Variants in TIMM23 observed in about 807,000 individuals in gnomAD.
TIMM23 encodes the protein mitochondrial import inner membrane translocase subunit Tim23.
In TIMM23, 19 loss-of-function variants were observed where a neutral mutation model predicts 30.7. That is an observed-to-expected ratio of 0.62 (90% CI 0.43 to 0.91). TIMM23 has a LOEUF of 0.91. TIMM23 is among the 40% of genes least tolerant of loss of function. The pLI is 0.00. For missense variants in TIMM23, 202 were observed against 269.2 expected (o/e 0.75, Z 1.75); for synonymous variants, 78 against 98.5 (o/e 0.79, Z 1.23).
intron 6 of TIMM23, chr10:46,002,274 C>G (rs1838566173): frequency 6.6e-6 from 1 of 152,126 alleles, no homozygotes. Context: ...CTCCTGGGCT[C>G]AAGCGATCCT....
At chr10:45,978,284 TC>T (rs1358274478) in intron 2 of TIMM23, among the ~76,000 whole-genome samples, 8 of 152,180 alleles carry the variant, frequency 5.3e-5, no homozygotes, top group African/African-American at 1.7e-4. Flanking sequence ...GTCCAGCAGG[TC>T]AAGTCTCAGC....
intron 1 of TIMM23, among the ~76,000 whole-genome samples, chr10:45,974,981 G>A (rs1246342751): frequency 7.9e-5 from 12 of 151,798 alleles, no homozygotes; most frequent in African/African-American, 2.9e-4. Context: ...TAAATCAATC[G>A]TTAATAGTAA....
intron 2 of TIMM23, among the ~76,000 whole-genome samples, chr10:45,979,840 A>G (rs1200681004): frequency 9.9e-5 from 15 of 151,676 alleles, no homozygotes; most frequent in African/African-American, 3.6e-4. Context: ...CTTTAAAAGT[A>G]CTCCTTTGTC....
chr10:45,998,382 C>G (rs886775628), intron 6 of TIMM23: 32 of 985,136 alleles, frequency 3.2e-5, no homozygotes, highest in African/African-American at 8.7e-5. Context: ...ATAAGGATCC[C>G]AAAATACAGG....
chr10:45,976,526 G>T (rs1396809667), intron 2 of TIMM23, among the ~76,000 whole-genome samples: 1 of 151,718 alleles, frequency 6.6e-6, no homozygotes, highest in Admixed American at 6.6e-5. Flanking sequence ...CACGAGAATC[G>T]CTTGAACCCT....
rs1272213530 is a variant in TIMM23, at chr10:45,991,352, T to C, written c.514+2505T>C. ...GAATTATCTCTGAGGAAGATTAAGC[T>C]AGAAGTGGTGGGTAGATAAAATAGA... On this transcript the variant is annotated intron_variant, in intron 6 of 6. Coordinates refer to ENST00000580018, the MANE Select transcript of TIMM23 (RefSeq NM_006327.4). Among the ~76,000 whole-genome samples, 143 of 152,258 alleles carry C rather than the reference T, an allele frequency of 9.4e-4. 1 individual carries two copies. The highest frequency in any genetic ancestry group is 3.2e-3 in the African/African-American group (132 of 41,554).
At chr10:45,978,334 G>A (rs1308635151) in intron 2 of TIMM23, among the ~76,000 whole-genome samples, 2 of 152,168 alleles carry the variant, frequency 1.3e-5, no homozygotes, top group Non-Finnish European at 2.9e-5. Context: ...GTGACAGAGA[G>A]AGACTTTGTC....
chr10:45,987,245 A>AG (rs1269042481), intron 5 of TIMM23, among the ~76,000 whole-genome samples: 3 of 151,798 alleles, frequency 2.0e-5, no homozygotes, highest in Non-Finnish European at 4.4e-5. Flanking sequence ...AAAAAAAAAA[A>AG]CAGTTTTTCC....
At chr10:45,999,870 C>A (rs992936152) in intron 6 of TIMM23, among the ~76,000 whole-genome samples, 2 of 152,150 alleles carry the variant, frequency 1.3e-5, no homozygotes, top group Non-Finnish European at 2.9e-5. Flanking sequence ...ATCTATAGAC[C>A]TATACCCCCA....
Position 46,003,304 on chromosome 10 carries a change from C to T in TIMM23, c.616C>T (p.Gln206Ter). 1 of 1,613,686 alleles carries T rather than the reference C, an allele frequency of 6.2e-7. No individual in the cohort carries two copies. Among genetic ancestry groups the T allele is most frequent in the Non-Finnish European group, 8.5e-7 (1 of 1,179,670 alleles). ...GGAGCACATGAAAGGCTCCTTGCTCCAACAGTCACTCTGAAGATTTTGCCA... is the reference window on the plus strand; with the variant it reads ...GGAGCACATGAAAGGCTCCTTGCTCTAACAGTCACTCTGAAGATTTTGCCA... ...NWEHMKGSLLQQSL is the reference protein window; with the variant it reads ...NWEHMKGSLL The change falls in exon 7 of 7, where the codon CAA (glutamine) becomes TAA (stop). Residue 206 changes from glutamine (Q) to a stop codon, truncating the protein, a stop_gained. Coordinates refer to ENST00000580018, the MANE Select transcript of TIMM23 (RefSeq NM_006327.4). LOFTEE classifies it high-confidence loss of function.
At position 45,998,012 on chromosome 10, in the gene TIMM23, T is replaced by TA. The variant is rs1554917029; in HGVS notation, c.515-5190dup. Among the ~76,000 whole-genome samples, 723 of 152,324 alleles carry TA rather than the reference T, an allele frequency of 4.7e-3. 5 individuals carry two copies. Among genetic ancestry groups the TA allele is most frequent in the East Asian group, 0.019 (98 of 5,186 alleles). On this transcript the variant is annotated intron_variant, in intron 6 of 6. Transcript: ENST00000580018. ...CAACAATGGCATTTAGTAGTCATGT[T>TA]AGTATGTAGGTAAGGCTGTTCCTAT...
intron 6 of TIMM23, chr10:45,998,470 A>G (rs1300388557): frequency 7.4e-6 from 6 of 814,892 alleles, no homozygotes; most frequent in African/African-American, 1.9e-5. Context: ...TACTCTGTTC[A>G]AAGCAAGTAC....
chr10:45,992,520 G>C (rs55885960), intron 6 of TIMM23: 1 of 444,304 alleles, frequency 2.3e-6, no homozygotes, highest in East Asian at 7.0e-5. Context: ...ATGAGTAAAT[G>C]ATTAGAAGGT....
intron 6 of TIMM23, among the ~76,000 whole-genome samples, chr10:45,989,450 A>G (rs1294679716): frequency 4.6e-5 from 7 of 152,226 alleles, no homozygotes; most frequent in African/African-American, 9.6e-5. Flanking sequence ...TGGATGTACA[A>G]ATATCTCTTC....
At chr10:45,984,963 C>T (rs1837953505) in intron 4 of TIMM23, among the ~76,000 whole-genome samples, 1 of 152,098 alleles carries the variant, frequency 6.6e-6, no homozygotes, top group Non-Finnish European at 1.5e-5. Context: ...TGTTCCCCTC[C>T]CAAAAAGAAC....
intron 6 of TIMM23, among the ~76,000 whole-genome samples, chr10:46,000,511 CGTCCAGCCCCCAA>C (rs1838496118): frequency 6.6e-6 from 1 of 152,208 alleles, no homozygotes; most frequent in Non-Finnish European, 1.5e-5. Context: ...TGAGCCACCA[CGTCCAGCCCCCAA>C]GTATCTTAAA....
chr10:45,982,714 T>C, intron 3 of TIMM23, 98 bp downstream of exon 3: 1 of 1,563,388 alleles, frequency 6.4e-7, no homozygotes, highest in Non-Finnish European at 8.7e-7. Flanking sequence ...AGGGTTTTTT[T>C]TTTAATATTT....
intron 2 of TIMM23, among the ~76,000 whole-genome samples, chr10:45,980,844 T>C (rs1837819424): frequency 6.6e-6 from 1 of 151,974 alleles, no homozygotes; most frequent in Non-Finnish European, 1.5e-5. Context: ...GTTATATTTT[T>C]CAGTTGATAC....
intron 6 of TIMM23, among the ~76,000 whole-genome samples, chr10:45,994,588 C>T (rs1420335569): frequency 2.5e-5 from 3 of 118,444 alleles, no homozygotes; most frequent in Non-Finnish European, 5.2e-5. Context: ...TACAGGCACA[C>T]GCCACCATGC....
Sources: allele counts gnomAD v4.1 joint callset (sites outside exome capture counted in the v4.1 genomes callset), GRCh38; gene constraint gnomAD v4.1.1; transcripts MANE v1.5; gene names NCBI Gene and HGNC (gene_info 2026-07-23, HGNC 2026-07-21).